Variants in ZSWIM5 observed in about 807,000 individuals in gnomAD.
ZSWIM5 encodes the protein zinc finger SWIM domain-containing protein 5.
In ZSWIM5, 55 loss-of-function variants were observed where a neutral mutation model predicts 119.6. The ratio of observed to expected loss-of-function variants is 0.46; its 90% confidence interval spans 0.37 to 0.58. ZSWIM5 has a LOEUF of 0.58. Among genes scored for constraint, ZSWIM5 ranks in the 20% least tolerant of loss-of-function variants. ZSWIM5 has a pLI of 0.00. For synonymous variants in ZSWIM5, 537 were observed against 606.9 expected (o/e 0.88, Z 1.69); for missense variants, 1,193 against 1,512.8 (o/e 0.79, Z 3.51).
At chr1:45,130,337 C>T (rs2149030443) in intron 1 of ZSWIM5, among the ~76,000 whole-genome samples, 1 of 151,230 alleles carries the variant, frequency 6.6e-6, no homozygotes, top group East Asian at 1.9e-4. Context: ...CAAAGGAACA[C>T]TATTTATAAT....
intron 1 of ZSWIM5, among the ~76,000 whole-genome samples, chr1:45,146,744 G>C (rs1645763356): frequency 6.6e-6 from 1 of 151,536 alleles, no homozygotes; most frequent in African/African-American, 2.4e-5. Context: ...ACACACAATT[G>C]TATACGTACG....
chr1:45,048,858 T>C lies in ZSWIM5; in HGVS notation c.1432+2216A>G, dbSNP rs193150410. On this transcript the variant is annotated intron_variant, in intron 5 of 13. Transcript: ENST00000359600. ...TGATAGGAATCAGCATGGTGGCTCATGCCTATAATCCCAGCACTTTGGGAG... is the reference window on the plus strand; with the variant it reads ...TGATAGGAATCAGCATGGTGGCTCACGCCTATAATCCCAGCACTTTGGGAG... Among the ~76,000 whole-genome samples, 305 of 152,334 alleles carry C rather than the reference T, an allele frequency of 2.0e-3. 1 individual carries two copies. Among genetic ancestry groups the C allele is most frequent in the African/African-American group, 7.0e-3 (291 of 41,580 alleles).
At chr1:45,112,680 C>T (rs1570111943) in intron 1 of ZSWIM5, among the ~76,000 whole-genome samples, 1 of 152,300 alleles carries the variant, frequency 6.6e-6, no homozygotes, top group East Asian at 1.9e-4. Flanking sequence ...TGTAATTTAG[C>T]ATGACCCTTA....
rs1336205556 is a variant in ZSWIM5 at position 45,072,488 on chromosome 1, T to C, written c.953-12241A>G. ...TGCTTGTGGGTTATTACTCAAGAAA[T>C]CTTTGCCCAGTCCAGTGTCCTAGAG... is the stretch of plus-strand genomic sequence containing the variant. On this transcript the variant is annotated intron_variant, in intron 2 of 13. Coordinates refer to ENST00000359600, the MANE Select transcript of ZSWIM5 (RefSeq NM_020883.2). This position sits in a 1 kb window ranked among gnomAD's most constrained non-coding sequence, Gnocchi z 4.1. 6.6e-6 allele frequency among the ~76,000 whole-genome samples: 1 copy of C among 152,016 alleles called. No homozygotes were observed. The highest frequency in any genetic ancestry group is 6.5e-5 in the Admixed American group (1 of 15,282).
At chr1:45,147,798 T>G (rs1645771773) in intron 1 of ZSWIM5, among the ~76,000 whole-genome samples, 1 of 152,080 alleles carries the variant, frequency 6.6e-6, no homozygotes, top group African/African-American at 2.4e-5. Context: ...CTCTCAAGCA[T>G]GCAAATGTAA....
Position 45,043,415 on chromosome 1 carries a change from C to T in ZSWIM5, c.1433-20G>A. ...AGGAGTCTGGAGAAAGAAGAACATG[C>T]AGCAGTACAGTGACAGGCAATTTGA... On this transcript the variant is annotated intron_variant, in intron 5 of 13. Coordinates refer to ENST00000359600, the MANE Select transcript of ZSWIM5 (RefSeq NM_020883.2). The T allele has an allele frequency of 6.2e-7, 1 of 1,612,750 alleles. No individual in the cohort carries two copies. Among genetic ancestry groups the T allele is most frequent in the South Asian group, 1.1e-5 (1 of 91,064 alleles).
chr1:45,026,097 C>T (rs973085511), intron 11 of ZSWIM5, among the ~76,000 whole-genome samples: 4 of 152,040 alleles, frequency 2.6e-5, no homozygotes, highest in African/African-American at 9.7e-5. Context: ...TGCAGTAGTA[C>T]AATCATGGTT....
Position 45,034,308 on chromosome 1 carries a change from T to C in ZSWIM5, c.2449+4A>G. The C allele has an allele frequency of 6.3e-7, 1 of 1,598,326 alleles. No individual in the cohort carries two copies. The highest frequency in any genetic ancestry group is 8.5e-7 in the Non-Finnish European group (1 of 1,172,034). On this transcript the variant is annotated splice_donor_region_variant and intron_variant, in intron 11 of 13. Transcript: ENST00000359600. ...GCTGGAGCTTAAGGTCTATCTATGC[T>C]CACCTTTGGCAGCAGTCAGCATGGT... is the stretch of plus-strand genomic sequence containing the variant.
At chr1:45,130,030 T>C (rs1645645546) in intron 1 of ZSWIM5, among the ~76,000 whole-genome samples, 1 of 152,170 alleles carries the variant, frequency 6.6e-6, no homozygotes, top group Non-Finnish European at 1.5e-5. Flanking sequence ...CCTGAGTAGC[T>C]GGAATTACAG....
intron 1 of ZSWIM5, among the ~76,000 whole-genome samples, chr1:45,152,615 AG>A (rs1645804141): frequency 6.6e-6 from 1 of 152,182 alleles, no homozygotes; most frequent in African/African-American, 2.4e-5. Context: ...GATGGATTAA[AG>A]ATTTAAATAT....
chr1:45,028,508 C>A (rs534537303), intron 11 of ZSWIM5, among the ~76,000 whole-genome samples: 2 of 152,278 alleles, frequency 1.3e-5, no homozygotes, highest in South Asian at 4.1e-4. Context: ...GCAATCCCAG[C>A]ACTTTGGGAG....
At chr1:45,112,891 G>T (rs1447680508) in intron 1 of ZSWIM5, among the ~76,000 whole-genome samples, 1 of 152,166 alleles carries the variant, frequency 6.6e-6, no homozygotes, top group Non-Finnish European at 1.5e-5. Flanking sequence ...GTGCTACAAG[G>T]TCTCACTGAA....
chr1:45,087,799 C>A (rs1489435226), intron 2 of ZSWIM5, 82 bp downstream of exon 2: 1 of 1,002,218 alleles, frequency 1.0e-6, no homozygotes, highest in Non-Finnish European at 1.5e-6. Flanking sequence ...AATAAAGCAA[C>A]AAAGTAGAGG....
chr1:45,203,984 C>T (rs900855686), intron 1 of ZSWIM5, among the ~76,000 whole-genome samples: 2 of 152,044 alleles, frequency 1.3e-5, no homozygotes, highest in Non-Finnish European at 2.9e-5. Context: ...TCTTCTGAAA[C>T]TACCATAAGA....
At chr1:45,039,626 C>T (rs1645007204) in intron 7 of ZSWIM5, among the ~76,000 whole-genome samples, 1 of 152,100 alleles carries the variant, frequency 6.6e-6, no homozygotes, top group Non-Finnish European at 1.5e-5. Context: ...CTCAAGTGAT[C>T]CACCCGATTC....
At chr1:45,050,895 A>G (rs1362350490) in intron 5 of ZSWIM5, among the ~76,000 whole-genome samples, 179 bp downstream of exon 5, 3 of 152,228 alleles carry the variant, frequency 2.0e-5, no homozygotes, top group African/African-American at 7.2e-5. Flanking sequence ...AATGTCAAAG[A>G]TAAAAGCTTA....
chr1:45,082,582 C>T (rs346707), intron 2 of ZSWIM5, among the ~76,000 whole-genome samples: 23,539 of 152,134 alleles, frequency 0.15, 1,863 homozygotes, highest in African/African-American at 0.17. Context: ...TGATGTCTCC[C>T]CTTTTTGTAT....
At chr1:45,194,740 G>A (rs1368686892) in intron 1 of ZSWIM5, among the ~76,000 whole-genome samples, 1 of 152,034 alleles carries the variant, frequency 6.6e-6, no homozygotes, top group African/African-American at 2.4e-5. Flanking sequence ...AGCCAGGCGT[G>A]GTGGCGGGCA....
chr1:45,187,584 G>A (rs1337205679), intron 1 of ZSWIM5, among the ~76,000 whole-genome samples: 4 of 151,820 alleles, frequency 2.6e-5, no homozygotes, highest in Admixed American at 6.6e-5. Context: ...AAAAGCAACC[G>A]AGAAAAAAAA....
Sources: allele counts gnomAD v4.1 joint callset (sites outside exome capture counted in the v4.1 genomes callset), GRCh38; gene constraint gnomAD v4.1.1; non-coding constraint Gnocchi (gnomAD v3.1); transcripts MANE v1.5; gene names NCBI Gene and HGNC (gene_info 2026-07-23, HGNC 2026-07-21).